GOLM1: variants seen among roughly 807,000 people sequenced by gnomAD.
GOLM1 encodes the protein epididymis luminal protein 46.
Under a neutral mutation model 50.5 loss-of-function variants are expected in GOLM1, and 31 were observed. The ratio of observed to expected loss-of-function variants is 0.61; its 90% CI spans 0.46 to 0.83. The LOEUF (loss-of-function observed/expected upper bound fraction) is 0.83. GOLM1 is among the 40% of genes least tolerant of loss of function. The probability of loss-of-function intolerance (pLI) is 0.00; values close to 1 mark genes in which losing one functional copy is unlikely to be tolerated. For synonymous variants in GOLM1, 178 were observed against 192.8 expected, an observed-to-expected ratio of 0.92 and a Z score of 0.64; for missense variants, 491 against 501.3, an observed-to-expected ratio of 0.98 and a Z score of 0.20.
rs751410894 is a variant in GOLM1 at position 86,036,403 on chromosome 9, C to G, written c.702G>C (p.Gln234His). The G allele has an allele frequency of 6.2e-7, 1 of 1,614,210 alleles. No individual in the cohort carries two copies. The change falls in exon 7 of 10, where the codon CAG becomes CAC. Residue 234 changes from glutamine to histidine, a missense_variant. By Grantham distance (24) the Gln-to-His change is conservative. Coordinates refer to ENST00000388712, the MANE Select transcript of GOLM1 (RefSeq NM_016548.4). ...CCACTTCGGAACTGGGGGCTGGTGTCTGGGACTTGCTGTTACCAAGCACGT... is the reference window on the plus strand; with the variant it reads ...CCACTTCGGAACTGGGGGCTGGTGTGTGGGACTTGCTGTTACCAAGCACGT... ...KGNVLGNSKS[Q>H]TPAPSSEVVL...
chr9:86,077,549 C>T lies in GOLM1; in HGVS notation c.172G>A (p.Ala58Thr), dbSNP rs931945854. ...ELEGRVRRAA[A>T]ERGAVELKKN... ...TTCAGCTCCACGGCGCCTCTCTCTG[C>T]AGCCGCCCTGCGGACCCTGCCTTCC... The change falls in exon 3 of 10, where the codon GCA becomes ACA. Residue 58 changes from alanine to threonine, a missense_variant. By Grantham distance (58) the Ala-to-Thr change is moderately conservative. Coordinates refer to ENST00000388712, the MANE Select transcript of GOLM1 (RefSeq NM_016548.4). 1.9e-6 allele frequency: 3 copies of T among 1,613,030 alleles called. No homozygotes were observed. The highest frequency in any genetic ancestry group is 2.2e-5 in the East Asian group (1 of 44,890).
chr9:86,026,973 CCT>C lies in GOLM1; in HGVS notation c.*842_*843del, dbSNP rs1267214300. 3.0e-6 allele frequency: 3 copies of C among 985,226 alleles called. No homozygotes were observed. Among genetic ancestry groups the C allele is most frequent in the South Asian group, 4.7e-5 (1 of 21,286 alleles). 61.0% of individuals were successfully genotyped at this position (985,226 alleles called of 1,614,324 possible). On this transcript the variant is annotated 3_prime_UTR_variant, in exon 10 of 10. Transcript: ENST00000388712. The stretch of plus-strand genomic sequence containing the variant: ...ACAGATCTGTCCACAACAAACTTGC[CCT>C]CTCATGCCTTGCCTCTCACCATGCT...
At chr9:86,040,661 A>T in intron 6 of GOLM1, 78 bp downstream of exon 6, 1 of 1,373,402 alleles carries the variant, frequency 7.3e-7, no homozygotes, top group African/African-American at 1.4e-5. Flanking sequence ...AGAGAAAGCC[A>T]GGCGGCACAT....
chr9:86,081,696 C>G (rs535870800), intron 1 of GOLM1, among the ~76,000 whole-genome samples: 37 of 151,776 alleles, frequency 2.4e-4, no homozygotes, highest in African/African-American at 8.2e-4. Flanking sequence ...TTGAGACCAG[C>G]CTGGCCAACG....
chr9:86,083,729 G>A (rs1029225854), intron 1 of GOLM1, among the ~76,000 whole-genome samples: 1 of 152,232 alleles, frequency 6.6e-6, no homozygotes, highest in Non-Finnish European at 1.5e-5. Flanking sequence ...ATCTGCAGAT[G>A]TGGAACTGTA....
chr9:86,026,197 A>G lies in GOLM1; in HGVS notation c.*1620T>C. 1.0e-6 allele frequency: 1 copy of G among 981,412 alleles called. No individual in the cohort carries two copies. Among genetic ancestry groups the G allele is most frequent in the Non-Finnish European group, 1.2e-6 (1 of 826,294 alleles). The allele number at this position is 981,412 out of a possible 1,614,324, so 60.8% of individuals were successfully genotyped here. A position where few individuals can be genotyped will look rare whatever the true frequency, so the allele number is the denominator to read the frequency against. On this transcript the variant is annotated 3_prime_UTR_variant, in exon 10 of 10. Coordinates refer to ENST00000388712, the MANE Select transcript of GOLM1 (RefSeq NM_016548.4). ...CAGCAATTCTATGCGTACAAATTAA[A>G]CATGAGATGAATAGAGACTTTATTG...
chr9:86,074,229 A>G (rs1053978109), intron 3 of GOLM1, among the ~76,000 whole-genome samples: 1 of 125,994 alleles, frequency 7.9e-6, no homozygotes, highest in East Asian at 3.4e-4. Context: ...CTAACCTTCT[A>G]AGATTTAAAA....
chr9:86,055,935 A>G (rs1833970870), intron 3 of GOLM1, among the ~76,000 whole-genome samples: 1 of 152,166 alleles, frequency 6.6e-6, no homozygotes, highest in Non-Finnish European at 1.5e-5. Context: ...TGTGAAAACC[A>G]TGTTTCCTCT....
At chr9:86,033,999 C>CT (rs201637580) in intron 8 of GOLM1, among the ~76,000 whole-genome samples, 2,008 of 148,194 alleles carry the variant, frequency 0.014, 43 homozygotes, top group African/African-American at 0.046. Flanking sequence ...GAGTCTCACT[C>CT]TGTCGCCCAG....
chr9:86,099,633 G>A (rs1835473328), upstream of GOLM1: 1 of 149,498 alleles, frequency 6.7e-6, no homozygotes, highest in African/African-American at 2.4e-5. Context: ...CCGCGAGCGC[G>A]GAGAAGCGAG....
At chr9:86,095,584 GAAT>G (rs929782184) in intron 1 of GOLM1, among the ~76,000 whole-genome samples, 3 of 152,118 alleles carry the variant, frequency 2.0e-5, no homozygotes, top group African/African-American at 7.2e-5. Flanking sequence ...AAAGTTAAAA[GAAT>G]AATATTTCAT....
At chr9:86,070,535 C>T (rs925701095) in intron 3 of GOLM1, among the ~76,000 whole-genome samples, 1 of 151,292 alleles carries the variant, frequency 6.6e-6, no homozygotes, top group Admixed American at 6.6e-5. Context: ...CATGCCACTG[C>T]ACTCCAGCCT....
At chr9:86,081,321 C>T (rs552818400) in intron 1 of GOLM1, among the ~76,000 whole-genome samples, 10 of 151,790 alleles carry the variant, frequency 6.6e-5, no homozygotes, top group Middle Eastern at 3.4e-3. Context: ...CTCAGCTTCC[C>T]GAGTAGCTGG....
At chr9:86,057,169 T>C (rs1238315773) in intron 3 of GOLM1, among the ~76,000 whole-genome samples, 1 of 152,138 alleles carries the variant, frequency 6.6e-6, no homozygotes, top group Admixed American at 6.6e-5. Flanking sequence ...CTGGGTGAAT[T>C]ACCCATGTAC....
intron 3 of GOLM1, among the ~76,000 whole-genome samples, chr9:86,053,406 C>T (rs1347958877): frequency 4.3e-5 from 6 of 138,526 alleles, no homozygotes; most frequent in Non-Finnish European, 6.3e-5. Flanking sequence ...GTCCACACCA[C>T]ACACTTCACA....
chr9:86,098,054 T>C (rs1448512277), intron 1 of GOLM1, among the ~76,000 whole-genome samples: 1 of 152,154 alleles, frequency 6.6e-6, no homozygotes, highest in Non-Finnish European at 1.5e-5. Context: ...TTTCTTTCGT[T>C]TTCCTGTAAA....
chr9:86,094,256 G>C (rs985251528), intron 1 of GOLM1, among the ~76,000 whole-genome samples: 2 of 152,132 alleles, frequency 1.3e-5, no homozygotes, highest in Non-Finnish European at 2.9e-5. Flanking sequence ...AGTTGAGACA[G>C]AGACAGAGAC....
Position 86,027,667 on chromosome 9 carries a change from T to C in GOLM1, c.*150A>G, listed in dbSNP as rs543274477. 29 of 1,408,560 alleles carry C rather than the reference T, an allele frequency of 2.1e-5. 1 individual carries two copies. The highest frequency in any genetic ancestry group is 2.1e-4 in the African/African-American group (14 of 68,062). 87.3% of individuals were successfully genotyped at this position (1,408,560 alleles called of 1,614,324 possible). A position where few individuals can be genotyped will look rare whatever the true frequency, so the allele number is the denominator to read the frequency against. On this transcript the variant is annotated 3_prime_UTR_variant, in exon 10 of 10. Coordinates refer to ENST00000388712, the MANE Select transcript of GOLM1 (RefSeq NM_016548.4). ...TTTAAAAGACCATTCCATTTTTTCC[T>C]ACACAAAGTGCATACTAAAATTTCA...
At chr9:86,070,699 T>G (rs965282007) in intron 3 of GOLM1, among the ~76,000 whole-genome samples, 1 of 152,324 alleles carries the variant, frequency 6.6e-6, no homozygotes, top group Admixed American at 6.5e-5. Flanking sequence ...CAGTAAGTAC[T>G]GGTACATGGA....
Sources: allele counts gnomAD v4.1 joint callset (sites outside exome capture counted in the v4.1 genomes callset), GRCh38; gene constraint gnomAD v4.1.1; transcripts MANE v1.5; gene names NCBI Gene and HGNC (gene_info 2026-07-23, HGNC 2026-07-21).